The following PAPPA2 variants were observed in gnomAD, a reference collection of about 807,000 sequenced individuals.
PAPPA2 encodes the protein pappalysin-2.
A neutral mutation model predicts 176.4 loss-of-function variants in PAPPA2; 86 were observed. That is an observed-to-expected ratio of 0.49 (90% CI 0.41 to 0.58). PAPPA2 has a LOEUF of 0.58. Among genes scored for constraint, PAPPA2 ranks in the 20% least tolerant of loss-of-function variants. The probability of loss-of-function intolerance (pLI) is 0.00; values close to 1 mark genes in which losing one functional copy is unlikely to be tolerated. For synonymous variants in PAPPA2, 809 were observed against 852.2 expected, an observed-to-expected ratio of 0.95 and a Z score of 0.88; for missense variants, 2,073 against 2,256.9, an observed-to-expected ratio of 0.92 and a Z score of 1.65.
At chr1:176,474,245 T>A (rs188299684) in intron 1 of PAPPA2, among the ~76,000 whole-genome samples, 43 of 152,346 alleles carry the variant, frequency 2.8e-4, no homozygotes, top group African/African-American at 1.0e-3. Context: ...TGGGCTTTAT[T>A]ACCTCAGTCA....
rs971677653 is a variant in PAPPA2, at chr1:176,494,807, G to A, written c.-917+31389G>A. 5.9e-5 allele frequency among the ~76,000 whole-genome samples: 9 copies of A among 152,274 alleles called. No individual in the cohort carries two copies. The South Asian group carries it at 8.3e-4, about 14-fold the overall frequency. On this transcript the variant is annotated intron_variant, in intron 1 of 22. Transcript: ENST00000367662. Reference sequence around the variant, plus strand: ...ATCATCTAATACAGAAATCTAAGCCGGATGCAAATTTAATGTAGATGTGGC... The same window carrying A: ...ATCATCTAATACAGAAATCTAAGCCAGATGCAAATTTAATGTAGATGTGGC...
chr1:176,695,801 A>G lies in PAPPA2; in HGVS notation c.2688A>G (p.Thr896=). ...EDGTFRQYVH[T]ASSRRVCDSS... ...GGACCTTTCGTCAGTATGTGCACAC[A>G]GCTTCCTCCCGGCGGGTGTGTGACT... Residue 896 remains threonine, a synonymous_variant, in exon 7 of 23, where the codon ACA becomes ACG. Transcript: ENST00000367662. 6.2e-7 allele frequency: 1 copy of G among 1,614,102 alleles called. No homozygotes were observed. Among genetic ancestry groups the G allele is most frequent in the East Asian group, 2.2e-5 (1 of 44,868 alleles).
intron 3 of PAPPA2, among the ~76,000 whole-genome samples, chr1:176,601,055 A>G (rs1278053366): frequency 6.6e-6 from 1 of 152,202 alleles, no homozygotes; most frequent in Non-Finnish European, 1.5e-5. Flanking sequence ...CTGAAGCAAC[A>G]GTGTTGAGAG....
At chr1:176,764,107 C>A in intron 14 of PAPPA2, among the ~76,000 whole-genome samples, 1 of 152,158 alleles carries the variant, frequency 6.6e-6, no homozygotes, top group East Asian at 1.9e-4. Flanking sequence ...AGAACTAATT[C>A]AGTCACTACC....
At chr1:176,561,267 A>G (rs1434062670) in intron 2 of PAPPA2, among the ~76,000 whole-genome samples, 1 of 152,240 alleles carries the variant, frequency 6.6e-6, no homozygotes, top group South Asian at 2.1e-4. Flanking sequence ...GAAAAATAAG[A>G]CAAAGTCTTG....
chr1:176,686,052 TAAC>T (rs1302932816), intron 4 of PAPPA2, among the ~76,000 whole-genome samples: 1 of 152,134 alleles, frequency 6.6e-6, no homozygotes, highest in Non-Finnish European at 1.5e-5. Flanking sequence ...ATTTCCCTAA[TAAC>T]ATCACAAGTT....
intron 4 of PAPPA2, among the ~76,000 whole-genome samples, chr1:176,679,936 A>G (rs1659499640): frequency 1.3e-5 from 2 of 152,200 alleles, no homozygotes; most frequent in Admixed American, 1.3e-4. Context: ...CCTGATGTTC[A>G]ATAGGGACTC....
chr1:176,499,350 C>T (rs1389370359), intron 1 of PAPPA2, among the ~76,000 whole-genome samples: 2 of 152,200 alleles, frequency 1.3e-5, no homozygotes, highest in Non-Finnish European at 2.9e-5. Flanking sequence ...GCCATAGTCT[C>T]ATTGTAGATA....
At chr1:176,692,952 C>T (rs1266990598) in intron 6 of PAPPA2, among the ~76,000 whole-genome samples, 1 of 152,222 alleles carries the variant, frequency 6.6e-6, no homozygotes, top group African/African-American at 2.4e-5. Flanking sequence ...CCACAACAGA[C>T]ACCTAATGTG....
intron 2 of PAPPA2, among the ~76,000 whole-genome samples, chr1:176,558,323 C>T (rs1203278136): frequency 6.6e-6 from 1 of 152,186 alleles, no homozygotes; most frequent in East Asian, 1.9e-4. Context: ...AACTCCAGGA[C>T]ACTTGAATCG....
intron 12 of PAPPA2, among the ~76,000 whole-genome samples, chr1:176,732,081 CTG>C (rs1662185588): frequency 6.6e-6 from 1 of 152,138 alleles, no homozygotes; most frequent in Non-Finnish European, 1.5e-5. Context: ...ACCCAGGAAA[CTG>C]TCCAGATTTC....
intron 3 of PAPPA2, among the ~76,000 whole-genome samples, chr1:176,599,729 T>G (rs1654205455): frequency 1.3e-5 from 2 of 151,824 alleles, no homozygotes; most frequent in Non-Finnish European, 2.9e-5. Flanking sequence ...AACTTTTCTT[T>G]TTTTATTATA....
At chr1:176,616,849 A>G (rs1217098340) in intron 3 of PAPPA2, 1 of 541,854 alleles carries the variant, frequency 1.8e-6, no homozygotes, top group African/African-American at 1.9e-5. Flanking sequence ...TTGAATACAG[A>G]AATGATTCAA....
intron 1 of PAPPA2, among the ~76,000 whole-genome samples, chr1:176,548,888 G>T (rs773614268): frequency 1.4e-4 from 22 of 152,230 alleles, no homozygotes; most frequent in Admixed American, 3.3e-4. Context: ...GAAAAGTCTG[G>T]TTTTTTCATG....
At chr1:176,762,680 C>T (rs113317571) in intron 14 of PAPPA2, among the ~76,000 whole-genome samples, 2 of 152,292 alleles carry the variant, frequency 1.3e-5, no homozygotes, top group Non-Finnish European at 2.9e-5. Context: ...GCATCTTGAT[C>T]ACATTTCATA....
chr1:176,590,547 C>A (rs1182043156), intron 2 of PAPPA2, among the ~76,000 whole-genome samples: 1 of 152,122 alleles, frequency 6.6e-6, no homozygotes, highest in East Asian at 1.9e-4. Context: ...GTTTATTAAT[C>A]ACTTTATTTG....
At chr1:176,705,145 C>G (rs1231914376) in intron 9 of PAPPA2, among the ~76,000 whole-genome samples, 1 of 152,108 alleles carries the variant, frequency 6.6e-6, no homozygotes, top group Non-Finnish European at 1.5e-5. Flanking sequence ...TATTTGGAGA[C>G]TTCTTGGATA....
intron 3 of PAPPA2, among the ~76,000 whole-genome samples, chr1:176,614,542 A>G (rs1246632830): frequency 1.3e-5 from 2 of 152,240 alleles, no homozygotes; most frequent in East Asian, 3.8e-4. Context: ...TCAGATATCT[A>G]GAAACTTCAT....
intron 3 of PAPPA2, among the ~76,000 whole-genome samples, chr1:176,623,659 C>CTT (rs1419370313): frequency 3.9e-5 from 5 of 128,880 alleles, no homozygotes; most frequent in Non-Finnish European, 8.4e-5. Context: ...TTCTTTCTTT[C>CTT]TTTCTTTCTT....
Sources: gnomAD v4.1 joint callset for allele counts (sites outside exome capture counted in the v4.1 genomes callset) on GRCh38, gnomAD v4.1.1 for gene constraint, MANE v1.5 for transcripts, NCBI Gene and HGNC (gene_info 2026-07-23, HGNC 2026-07-21) for gene names.